The following AOAH variants were observed in gnomAD, a reference collection of about 807,000 sequenced individuals.
AOAH encodes the protein acyloxyacyl hydrolase (neutrophil).
In AOAH, 64 loss-of-function variants were observed where a neutral mutation model predicts 92.2. The observed-to-expected ratio is 0.69, with a 90% CI of 0.57 to 0.86. The LOEUF (loss-of-function observed/expected upper bound fraction) is 0.86, where lower values mean the gene tolerates loss of function less well. AOAH is among the 40% of genes least tolerant of loss of function. The pLI, the probability that AOAH is intolerant of heterozygous loss-of-function variation, is 0.00. For synonymous variants in AOAH, 263 were observed against 254.5 expected (o/e 1.03, Z -0.32); for missense variants, 656 against 694.6 (o/e 0.94, Z 0.62).
chr7:36,543,620 CGAA>C (rs138434726), intron 15 of AOAH, among the ~76,000 whole-genome samples: 14,459 of 151,954 alleles, frequency 0.095, 753 homozygotes, highest in East Asian at 0.16. Context: ...TGATGCTAAA[CGAA>C]GAATCTGAGC....
intron 12 of AOAH, among the ~76,000 whole-genome samples, chr7:36,577,361 A>G (rs1036656112): frequency 1.3e-5 from 2 of 152,180 alleles, no homozygotes; most frequent in Non-Finnish European, 2.9e-5. Context: ...GAAAGCTGCC[A>G]TCTTAAACTA....
chr7:36,670,042 T>C (rs1795816151), intron 3 of AOAH, among the ~76,000 whole-genome samples: 1 of 151,496 alleles, frequency 6.6e-6, no homozygotes, highest in Non-Finnish European at 1.5e-5. Context: ...GGGGAACCCC[T>C]GAGTTCTCAG....
intron 1 of AOAH, among the ~76,000 whole-genome samples, chr7:36,711,779 G>A (rs1798785398): frequency 6.6e-6 from 1 of 152,118 alleles, no homozygotes. Flanking sequence ...GTCAGATGCA[G>A]GGCCAATGTC....
At chr7:36,652,778 T>C (rs891529871) in intron 4 of AOAH, among the ~76,000 whole-genome samples, 2 of 152,190 alleles carry the variant, frequency 1.3e-5, no homozygotes, top group Non-Finnish European at 2.9e-5. Flanking sequence ...TTAACCTGTA[T>C]CCTTGAAAAC....
At chr7:36,683,876 C>A (rs1187523915) in intron 2 of AOAH, among the ~76,000 whole-genome samples, 2 of 151,990 alleles carry the variant, frequency 1.3e-5, no homozygotes. Flanking sequence ...CTCCAGTAAT[C>A]CCAGCTACTC....
In AOAH at chr7:36,714,428, A is replaced by T. The variant is rs181202788; in HGVS notation, c.127+9594T>A. On this transcript the variant is annotated intron_variant, in intron 1 of 20. Coordinates refer to ENST00000617537, the MANE Select transcript of AOAH (RefSeq NM_001637.4). Reference sequence around the variant, plus strand: ...GAGGAACTAGTACCATTCCTTCTGAAACTATTCCAATCAATAGAAAAAGAG... The same window carrying T: ...GAGGAACTAGTACCATTCCTTCTGATACTATTCCAATCAATAGAAAAAGAG... Among the ~76,000 whole-genome samples, 327 of 152,322 alleles carry T rather than the reference A, an allele frequency of 2.1e-3. 3 individuals are homozygous for T. The highest frequency in any genetic ancestry group is 0.014 in the Admixed American group (210 of 15,300).
At position 36,716,416 on chromosome 7, in the gene AOAH, G is replaced by A. The variant is rs544744743; in HGVS notation, c.127+7606C>T. 1.4e-3 allele frequency among the ~76,000 whole-genome samples: 205 copies of A among 149,940 alleles called. 8 individuals are homozygous for A. Among genetic ancestry groups the A allele is most frequent in the Middle Eastern group, 6.8e-3 (2 of 294 alleles). ...TAACCATTGTGGAAATCAGCGTGGC[G>A]ATTCCTCAGGGATCTAGAACTAGAA... On this transcript the variant is annotated intron_variant, in intron 1 of 20. Coordinates refer to ENST00000617537, the MANE Select transcript of AOAH (RefSeq NM_001637.4).
chr7:36,537,685 A>AT (rs964040171), intron 16 of AOAH, among the ~76,000 whole-genome samples: 17 of 151,122 alleles, frequency 1.1e-4, no homozygotes, highest in East Asian at 5.9e-4. Context: ...CGCCCAGCTA[A>AT]TTTTTTTTTG....
intron 3 of AOAH, among the ~76,000 whole-genome samples, chr7:36,670,656 T>TC (rs1212354298): frequency 6.6e-6 from 1 of 151,746 alleles, no homozygotes; most frequent in Admixed American, 6.6e-5. Context: ...TTTTGTATTT[T>TC]AGTAGAGACA....
At chr7:36,530,098 C>T (rs1055202527) in intron 19 of AOAH, among the ~76,000 whole-genome samples, 2 of 152,126 alleles carry the variant, frequency 1.3e-5, no homozygotes, top group Non-Finnish European at 2.9e-5. Flanking sequence ...GGCTTTTAAC[C>T]CGACAAGAAC....
chr7:36,544,447 C>T (rs960721170), intron 15 of AOAH, among the ~76,000 whole-genome samples: 4 of 152,072 alleles, frequency 2.6e-5, no homozygotes, highest in Non-Finnish European at 5.9e-5. Flanking sequence ...GTCCCAGGCA[C>T]CTGCCACCCC....
chr7:36,602,095 T>C (rs1283407539), intron 11 of AOAH, among the ~76,000 whole-genome samples: 1 of 152,184 alleles, frequency 6.6e-6, no homozygotes, highest in Admixed American at 6.5e-5. Flanking sequence ...GAGCCTTTCC[T>C]CTTTGACCCT....
intron 2 of AOAH, among the ~76,000 whole-genome samples, chr7:36,674,878 T>C (rs576870397): frequency 2.0e-5 from 3 of 152,380 alleles, no homozygotes; most frequent in South Asian, 4.1e-4. Flanking sequence ...TTTTGCTTAA[T>C]GTTAAATAAT....
chr7:36,516,465 G>A lies in AOAH; in HGVS notation c.1600-3085C>T, dbSNP rs1783721200. On this transcript the variant is annotated intron_variant, in intron 20 of 20. Transcript: ENST00000617537. The surrounding 1 kb of genome is among the most constrained non-coding windows in gnomAD (Gnocchi z 5.0). ...CCCCCACACACACAGAAAGTGCACG[G>A]ATACCACACACACACACACACAGAA... Among the ~76,000 whole-genome samples the A allele has an allele frequency of 1.2e-5, 1 of 80,264 alleles. No individual in the cohort carries two copies. Among genetic ancestry groups the A allele is most frequent in the South Asian group, 4.9e-4 (1 of 2,022 alleles). 52.7% of individuals were successfully genotyped at this position (80,264 alleles called of 152,430 possible).
intron 11 of AOAH, among the ~76,000 whole-genome samples, chr7:36,601,071 G>A (rs965495080): frequency 6.6e-6 from 1 of 152,176 alleles, no homozygotes; most frequent in Non-Finnish European, 1.5e-5. Context: ...GCACACCACT[G>A]CTCTGGAGGT....
At chr7:36,720,272 CCT>C (rs1162055693) in intron 1 of AOAH, among the ~76,000 whole-genome samples, 1 of 151,986 alleles carries the variant, frequency 6.6e-6, no homozygotes, top group African/African-American at 2.4e-5. Context: ...GCCTCAGCTC[CCT>C]GAGTAGCTGG....
At chr7:36,651,531 G>T (rs1794578279) in intron 4 of AOAH, among the ~76,000 whole-genome samples, 1 of 152,200 alleles carries the variant, frequency 6.6e-6, no homozygotes, top group Non-Finnish European at 1.5e-5. Context: ...TGGTTTCATT[G>T]TTACTGAGAA....
At chr7:36,719,402 T>C (rs1241309616) in intron 1 of AOAH, among the ~76,000 whole-genome samples, 5 of 152,144 alleles carry the variant, frequency 3.3e-5, no homozygotes, top group Non-Finnish European at 7.3e-5. Flanking sequence ...ACAAACTTTA[T>C]GAGTAAGAAG....
intron 2 of AOAH, among the ~76,000 whole-genome samples, chr7:36,680,347 C>T (rs571984777): frequency 2.4e-4 from 36 of 152,332 alleles, no homozygotes; most frequent in Non-Finnish European, 4.6e-4. Context: ...AGAGATTATT[C>T]TCAAGAATGG....
Sources: gnomAD v4.1 joint callset for allele counts (sites outside exome capture counted in the v4.1 genomes callset) on GRCh38, gnomAD v4.1.1 for gene constraint, Gnocchi (gnomAD v3.1) non-coding constraint, MANE v1.5 for transcripts, NCBI Gene and HGNC (gene_info 2026-07-23, HGNC 2026-07-21) for gene names.